The following INSYN2B variants were observed in gnomAD, a reference collection of about 807,000 sequenced individuals.
INSYN2B encodes inhibitory synaptic factor family member 2B.
Under a neutral mutation model 41.2 loss-of-function variants are expected in INSYN2B, and 16 were observed. The ratio of observed to expected loss-of-function variants is 0.39; its 90% CI spans 0.26 to 0.59. The LOEUF (loss-of-function observed/expected upper bound fraction) is 0.59. INSYN2B is among the 20% of genes least tolerant of loss of function. INSYN2B has a pLI of 0.57. For missense variants in INSYN2B, 608 were observed against 646.4 expected (o/e 0.94, Z 0.64); for synonymous variants, 245 against 244.4 (o/e 1.00, Z -0.02).
intron 3 of INSYN2B, among the ~76,000 whole-genome samples, chr5:169,874,216 C>T (rs1046450717): frequency 6.6e-6 from 1 of 151,974 alleles, no homozygotes; most frequent in Non-Finnish European, 1.5e-5. Flanking sequence ...GGTTCAAGAC[C>T]AGCCTGGCCA....
rs1772242978 is a variant in INSYN2B at position 169,875,158 on chromosome 5, C to T, written c.1421+6210G>A. ...CAAAACTTTCTAGTAAATCAAGTATCTTCTTTCAAGACCCTGATTTTTTAC... is the reference window on the plus strand; with the variant it reads ...CAAAACTTTCTAGTAAATCAAGTATTTTCTTTCAAGACCCTGATTTTTTAC... On this transcript the variant is annotated intron_variant, in intron 3 of 3. Transcript: ENST00000377365. 6 of 454,104 alleles carry T rather than the reference C, an allele frequency of 1.3e-5. No homozygotes were observed. In the Admixed American group the frequency reaches 1.4e-4, roughly 11 times the overall value. 28.1% of individuals were successfully genotyped at this position (454,104 alleles called of 1,614,324 possible).
intron 1 of INSYN2B, among the ~76,000 whole-genome samples, chr5:169,945,404 G>A (rs1158351711): frequency 6.6e-6 from 1 of 152,268 alleles, no homozygotes; most frequent in Non-Finnish European, 1.5e-5. Context: ...GTCTCAGAGT[G>A]AAAAATCAGT....
rs377671259 is a variant in INSYN2B at position 169,949,407 on chromosome 5, G to A, written c.-919+30870C>T. Among the ~76,000 whole-genome samples the A allele has an allele frequency of 1.6e-3, 243 of 152,270 alleles. 4 individuals are homozygous for A. In the South Asian group the frequency reaches 0.044, roughly 27 times the overall value. On this transcript the variant is annotated intron_variant, in intron 1 of 3. Coordinates refer to ENST00000377365, the MANE Select transcript of INSYN2B (RefSeq NM_001129891.3). ...TGTTCCTGGGGCTGCCTGAAGGGAT[G>A]GCTTTTGAGATTTTTCTTGAAGGAG...
chr5:169,884,879 T>G (rs1772875852), intron 1 of INSYN2B, 63 bp from the exon 2 acceptor site: 1 of 152,178 alleles, frequency 6.6e-6, no homozygotes, highest in East Asian at 1.9e-4. Flanking sequence ...GGATTTCTCT[T>G]CAAATTCTAA....
At position 169,884,019 on chromosome 5, in the gene INSYN2B, T is replaced by A. The variant is rs1772827419; in HGVS notation, c.-121A>T. 1 of 948,274 alleles carries A rather than the reference T, an allele frequency of 1.1e-6. No individual in the cohort carries two copies. The highest frequency in any genetic ancestry group is 3.2e-5 in the Admixed American group (1 of 30,910). 58.7% of individuals were successfully genotyped at this position (948,274 alleles called of 1,614,324 possible). A position where few individuals can be genotyped will look rare whatever the true frequency, so the allele number is the denominator to read the frequency against. On this transcript the variant is annotated 5_prime_UTR_variant, in exon 2 of 4. Coordinates refer to ENST00000377365, the MANE Select transcript of INSYN2B (RefSeq NM_001129891.3). Reference sequence around the variant, plus strand: ...TAGAGAACTGCTGGCCAGGATGGAGTGGTCCTCTCCTCTTAGTATGGGAAA... The same window carrying A: ...TAGAGAACTGCTGGCCAGGATGGAGAGGTCCTCTCCTCTTAGTATGGGAAA...
At chr5:169,881,271 C>T in intron 3 of INSYN2B, 97 bp downstream of exon 3, 2 of 985,058 alleles carry the variant, frequency 2.0e-6, no homozygotes, top group Admixed American at 2.3e-5. Flanking sequence ...CTTGTTTTTG[C>T]CTCTCTTGAC....
chr5:169,960,916 A>G (rs1159755056), intron 1 of INSYN2B, among the ~76,000 whole-genome samples: 1 of 152,194 alleles, frequency 6.6e-6, no homozygotes, highest in Non-Finnish European at 1.5e-5. Context: ...AAATCATAGT[A>G]TATATAGGGT....
At chr5:169,959,898 G>A (rs1777015400) in intron 1 of INSYN2B, among the ~76,000 whole-genome samples, 1 of 152,234 alleles carries the variant, frequency 6.6e-6, no homozygotes. Context: ...GCACTTCAGA[G>A]AGCTGAGCCT....
chr5:169,883,411 C>G lies in INSYN2B; in HGVS notation c.488G>C (p.Arg163Thr). ...GAGGAATGCATGGGACACCTTGACCCTTCGAGGCCCATCCTCAAGATGCTG... is the reference window on the plus strand; with the variant it reads ...GAGGAATGCATGGGACACCTTGACCGTTCGAGGCCCATCCTCAAGATGCTG... ...LAQHLEDGPR[R>T]VKVSHAFLPR... Residue 163 changes from arginine (R) to threonine (T), a missense_variant, in exon 2 of 4, where the codon AGG (arginine) becomes ACG (threonine). By Grantham distance (71) the Arg-to-Thr change is moderately conservative. Transcript: ENST00000377365. 1 of 1,551,702 alleles carries G rather than the reference C, an allele frequency of 6.4e-7. No individual in the cohort carries two copies. Among genetic ancestry groups the G allele is most frequent in the Non-Finnish European group, 8.7e-7 (1 of 1,146,966 alleles).
intron 1 of INSYN2B, among the ~76,000 whole-genome samples, chr5:169,978,767 T>C (rs1777828927): frequency 6.6e-6 from 1 of 152,060 alleles, no homozygotes; most frequent in Non-Finnish European, 1.5e-5. Flanking sequence ...GTACAGCAAA[T>C]AAGCCCTGCC....
chr5:169,911,230 G>T (rs1223373405), intron 1 of INSYN2B, among the ~76,000 whole-genome samples: 1 of 151,982 alleles, frequency 6.6e-6, no homozygotes, highest in Non-Finnish European at 1.5e-5. Flanking sequence ...CAGAGGATAA[G>T]AAAAAAAGGA....
intron 1 of INSYN2B, among the ~76,000 whole-genome samples, chr5:169,895,976 GACCT>G (rs1773576983): frequency 6.6e-6 from 1 of 152,258 alleles, no homozygotes; most frequent in Non-Finnish European, 1.5e-5. Flanking sequence ...CCTGAACAGG[GACCT>G]TTATGTGAAT....
At chr5:169,947,512 G>A (rs894125527) in intron 1 of INSYN2B, among the ~76,000 whole-genome samples, 7 of 152,170 alleles carry the variant, frequency 4.6e-5, no homozygotes, top group East Asian at 1.9e-4. Context: ...CCAGGGCCAC[G>A]CAACTAATAT....
chr5:169,902,267 A>G (rs996741502), intron 1 of INSYN2B, among the ~76,000 whole-genome samples: 3 of 152,236 alleles, frequency 2.0e-5, no homozygotes, highest in South Asian at 2.1e-4. Context: ...AAAGAGGCAC[A>G]ATGATAACCA....
Position 169,882,992 on chromosome 5 carries a change from G to A in INSYN2B, c.907C>T (p.Pro303Ser). Residue 303 changes from proline (P) to serine (S), a missense_variant, in exon 2 of 4, where the codon CCT becomes TCT. Pro to Ser is a moderately conservative substitution (Grantham distance 74). Transcript: ENST00000377365. ...GAACTGTGAGTCCGTGGAGATGAAGGAACACACGTTTCCTTTGACTGAGAT... is the reference window on the plus strand; with the variant it reads ...GAACTGTGAGTCCGTGGAGATGAAGAAACACACGTTTCCTTTGACTGAGAT... ...LSSQSKETCV[P>S]SSPRTHSSPS... 1.3e-6 allele frequency: 2 copies of A among 1,551,690 alleles called. No homozygotes were observed. Among genetic ancestry groups the A allele is most frequent in the Middle Eastern group, 1.7e-4 (1 of 5,980 alleles).
At chr5:169,924,651 C>T (rs958657438) in intron 1 of INSYN2B, among the ~76,000 whole-genome samples, 4 of 152,180 alleles carry the variant, frequency 2.6e-5, no homozygotes, top group African/African-American at 9.7e-5. Context: ...CAACCCCATC[C>T]TGCTTAAAAA....
At chr5:169,874,410 CAAAAAAAAA>C (rs34525811) in intron 3 of INSYN2B, among the ~76,000 whole-genome samples, 1 of 72,032 alleles carries the variant, frequency 1.4e-5, no homozygotes, top group African/African-American at 5.8e-5. Flanking sequence ...GACTCTGTCT[CAAAAAAAAA>C]AAAAAAAAAA....
chr5:169,903,231 C>T (rs1172671897), intron 1 of INSYN2B, among the ~76,000 whole-genome samples: 1 of 149,286 alleles, frequency 6.7e-6, no homozygotes, highest in East Asian at 2.0e-4. Context: ...GAGCTATGAT[C>T]GCACCTATTA....
intron 1 of INSYN2B, among the ~76,000 whole-genome samples, chr5:169,969,736 TGAGGGG>T (rs1777433049): frequency 6.6e-6 from 1 of 152,190 alleles, no homozygotes; most frequent in South Asian, 2.1e-4. Context: ...TACCTAGGAC[TGAGGGG>T]TTTCCCAGGA....
Sources: gnomAD v4.1 joint callset for allele counts (sites outside exome capture counted in the v4.1 genomes callset) on GRCh38, gnomAD v4.1.1 for gene constraint, MANE v1.5 for transcripts, NCBI Gene and HGNC (gene_info 2026-07-23, HGNC 2026-07-21) for gene names.